Variants in TAF15 observed in about 807,000 individuals in gnomAD.
TAF15 encodes the protein TATA-box binding protein associated factor 15.
TAF15 carries 37 observed loss-of-function variants against 102.5 expected under a neutral mutation model. The observed-to-expected ratio is 0.36, with a 90% confidence interval of 0.28 to 0.47. TAF15 has a LOEUF of 0.47. Among genes scored for constraint, TAF15 ranks in the 20% least tolerant of loss-of-function variants. The pLI is 0.99. For missense variants in TAF15, 652 were observed against 760.7 expected, an observed-to-expected ratio of 0.86 and a Z score of 1.68; for synonymous variants, 273 against 259.2, an observed-to-expected ratio of 1.05 and a Z score of -0.51.
intron 7 of TAF15, chr17:35,833,678 A>G: frequency 1.9e-6 from 1 of 535,484 alleles, no homozygotes; most frequent in East Asian, 3.0e-5. Flanking sequence ...ATAAGAGTAT[A>G]TTAGATATGT....
At chr17:35,826,519 A>T in intron 7 of TAF15, among the ~76,000 whole-genome samples, 1 of 151,994 alleles carries the variant, frequency 6.6e-6, no homozygotes, top group Non-Finnish European at 1.5e-5. Context: ...TGTTCCAGTA[A>T]AGCTTCATTT....
chr17:35,837,099 G>A lies in TAF15; in HGVS notation c.783+858G>A, dbSNP rs544563593. Among the ~76,000 whole-genome samples, 11 of 151,902 alleles carry A rather than the reference G, an allele frequency of 7.2e-5. No homozygotes were observed. The South Asian group carries it at 1.9e-3, about 26-fold the overall frequency. On this transcript the variant is annotated intron_variant, in intron 10 of 15. Transcript: ENST00000605844. The stretch of plus-strand genomic sequence containing the variant: ...GCCTACTCACTTTTTTCTTTCTTTG[G>A]GAGTTATAATTTGTTAAGGAATTAA...
chr17:35,836,005 T>C (rs952660977), intron 9 of TAF15, 127 bp from the exon 10 acceptor site: 4 of 678,914 alleles, frequency 5.9e-6, no homozygotes, highest in African/African-American at 1.8e-5. Context: ...GTTGTTCTTA[T>C]ATTGGTCCTT....
rs759576471 is a variant in TAF15 at position 35,842,454 on chromosome 17, G to A, written c.1001G>A (p.Arg334Gln). ...AGAGGAGGTGGAAGTGGAGGTGGGC[G>A]GCGAGGTAAGATCCTTGCTGCGTAC... Reference protein sequence around the residue: ...FMRGGGSGGGRRGRGGYRGRG... With the variant: ...FMRGGGSGGGQRGRGGYRGRG... The change falls in exon 12 of 16, where the codon CGG (arginine) becomes CAG (glutamine). Residue 334 changes from arginine to glutamine, a missense_variant. Arg to Gln is a conservative substitution (Grantham distance 43). Around this residue, in one of 3 missense-constraint regions of TAF15, gnomAD observed 368 missense variants for 367.5 expected, o/e 1.00. Transcript: ENST00000605844. The A allele has an allele frequency of 8.7e-6, 14 of 1,612,890 alleles. No individual in the cohort carries two copies. The highest frequency in any genetic ancestry group is 3.3e-5 in the Admixed American group (2 of 60,006).
intron 1 of TAF15, among the ~76,000 whole-genome samples, chr17:35,815,055 C>T (rs1212559192): frequency 6.6e-6 from 1 of 152,098 alleles, no homozygotes; most frequent in Non-Finnish European, 1.5e-5. Context: ...ATGTTATAGA[C>T]TGATAGAATT....
At chr17:35,813,642 C>T (rs1265972781) in intron 1 of TAF15, among the ~76,000 whole-genome samples, 1 of 146,984 alleles carries the variant, frequency 6.8e-6, no homozygotes, top group African/African-American at 2.5e-5. Flanking sequence ...TCCCCCCCCC[C>T]CCGCAAAAAA....
chr17:35,814,212 C>A (rs1322530837), intron 1 of TAF15, among the ~76,000 whole-genome samples: 1 of 151,856 alleles, frequency 6.6e-6, no homozygotes, highest in African/African-American at 2.4e-5. Flanking sequence ...GTCGCCCAGG[C>A]TGGAGTGCAG....
chr17:35,818,221 G>A lies in TAF15; in HGVS notation c.47+466G>A, dbSNP rs754187802. Among the ~76,000 whole-genome samples the A allele has an allele frequency of 3.9e-5, 6 of 151,946 alleles. No individual in the cohort carries two copies. In the East Asian group the frequency reaches 9.7e-4, roughly 25 times the overall value. On this transcript the variant is annotated intron_variant, in intron 2 of 15. Transcript: ENST00000605844. Reference sequence around the variant, plus strand: ...CGCCATTCTCTGGCCTCAGCCTCCCGAGTAGCTGAGACTACAGGCGCTCGC... The same window carrying A: ...CGCCATTCTCTGGCCTCAGCCTCCCAAGTAGCTGAGACTACAGGCGCTCGC...
chr17:35,827,190 G>A (rs1470581164), intron 7 of TAF15, among the ~76,000 whole-genome samples: 1 of 151,936 alleles, frequency 6.6e-6, no homozygotes, highest in African/African-American at 2.4e-5. Flanking sequence ...AAAAAAATTA[G>A]CCGGGTGTGG....
intron 7 of TAF15, among the ~76,000 whole-genome samples, chr17:35,828,075 G>T (rs908725544): frequency 6.6e-6 from 1 of 152,058 alleles, no homozygotes; most frequent in Non-Finnish European, 1.5e-5. Context: ...ATAAATAATT[G>T]CTTTTCATTA....
chr17:35,826,909 T>G (rs934209393), intron 7 of TAF15, among the ~76,000 whole-genome samples: 11 of 151,958 alleles, frequency 7.2e-5, no homozygotes, highest in African/African-American at 2.7e-4. Flanking sequence ...TTTTTATGTG[T>G]CATAACATCT....
chr17:35,834,418 A>G (rs986532161), intron 8 of TAF15, 148 bp from the exon 9 acceptor site: 5 of 699,250 alleles, frequency 7.2e-6, no homozygotes, highest in Non-Finnish European at 1.2e-5. Flanking sequence ...AACATAATTT[A>G]TATATTTACT....
At chr17:35,833,822 G>A (rs773488453) in intron 7 of TAF15, 85 bp from the exon 8 acceptor site, 71 of 1,395,456 alleles carry the variant, frequency 5.1e-5, no homozygotes, top group Non-Finnish European at 6.5e-5. Flanking sequence ...CACTCTACTT[G>A]TGACAGTTAA....
At chr17:35,824,262 T>G (rs1468563025) in intron 7 of TAF15, 64 bp downstream of exon 7, 1 of 1,583,850 alleles carries the variant, frequency 6.3e-7, no homozygotes, top group African/African-American at 1.4e-5. Flanking sequence ...TTTTAAGGTG[T>G]TACTTGGCTG....
chr17:35,823,565 C>T, intron 6 of TAF15: 1 of 166,578 alleles, frequency 6.0e-6, no homozygotes, highest in Non-Finnish European at 1.3e-5. Context: ...ATTAGCCAGG[C>T]ATGGTGGCGG....
At chr17:35,815,056 T>A (rs1349528387) in intron 1 of TAF15, among the ~76,000 whole-genome samples, 1 of 152,170 alleles carries the variant, frequency 6.6e-6, no homozygotes, top group Non-Finnish European at 1.5e-5. Context: ...TGTTATAGAC[T>A]GATAGAATTC....
chr17:35,826,357 A>G (rs918380114), intron 7 of TAF15, among the ~76,000 whole-genome samples: 2 of 151,866 alleles, frequency 1.3e-5, no homozygotes, highest in African/African-American at 2.4e-5. Flanking sequence ...GATGCCGATT[A>G]CTCTTTATAT....
At chr17:35,838,199 C>A (rs1437640064) in intron 10 of TAF15, among the ~76,000 whole-genome samples, 1 of 152,034 alleles carries the variant, frequency 6.6e-6, no homozygotes, top group Non-Finnish European at 1.5e-5. Context: ...AAAAATTATA[C>A]ATAGATAAAA....
chr17:35,811,495 AGT>A (rs751190325), intron 1 of TAF15: 10 of 152,344 alleles, frequency 6.6e-5, no homozygotes, highest in Non-Finnish European at 8.8e-5. Flanking sequence ...TTTTGTAATA[AGT>A]GTATAAAAAT....
Sources: gnomAD v4.1 joint callset for allele counts (sites outside exome capture counted in the v4.1 genomes callset) on GRCh38, gnomAD v4.1.1 for gene constraint, gnomAD v4.1.1 regional missense constraint, MANE v1.5 for transcripts, NCBI Gene and HGNC (gene_info 2026-07-23, HGNC 2026-07-21) for gene names.